The following WWC1 variants were observed in gnomAD, a reference collection of about 807,000 sequenced individuals.
The protein encoded by WWC1 is WW and C2 domain containing 1, also known as protein KIBRA.
In WWC1, 55 loss-of-function variants were observed where a neutral mutation model predicts 138.4. The observed-to-expected ratio is 0.40, with a 90% CI of 0.32 to 0.50. WWC1 has a LOEUF of 0.50. WWC1 is among the 20% of genes least tolerant of loss of function. WWC1 has a pLI of 0.72. For synonymous variants in WWC1, 524 were observed against 564.9 expected (o/e 0.93, Z 1.03); for missense variants, 1,226 against 1,420.4 (o/e 0.86, Z 2.20).
chr5:168,418,355 C>T (rs1360884581), intron 9 of WWC1, among the ~76,000 whole-genome samples: 4 of 152,198 alleles, frequency 2.6e-5, no homozygotes, highest in Non-Finnish European at 5.9e-5. Flanking sequence ...GGCTCCCTGG[C>T]CCACCCCAGG....
intron 1 of WWC1, among the ~76,000 whole-genome samples, chr5:168,303,590 C>T (rs1581861891): frequency 6.6e-6 from 1 of 152,106 alleles, no homozygotes; most frequent in African/African-American, 2.4e-5. Context: ...GCCTGGGTGA[C>T]AGAGTGAGAT....
chr5:168,441,702 G>A lies in WWC1; in HGVS notation c.2301G>A (p.Leu767=), dbSNP rs1026862370. The A allele has an allele frequency of 5.0e-6, 8 of 1,614,148 alleles. No homozygotes were observed. Among genetic ancestry groups the A allele is most frequent in the Non-Finnish European group, 6.8e-6 (8 of 1,180,014 alleles). ...AACAGGGAGGCGCCCAGATCAGCCT[G>A]GCGGAGGTCTGCCGGTCTGGGGAGA... The part of the protein sequence containing the change: ...EECLGGAQIS[L]AEVCRSGERS... Residue 767 remains leucine, a synonymous_variant, in exon 16 of 23, where the codon CTG becomes CTA. Coordinates refer to ENST00000265293, the MANE Select transcript of WWC1 (RefSeq NM_015238.3).
At chr5:168,358,011 T>C (rs981891324) in intron 1 of WWC1, among the ~76,000 whole-genome samples, 2 of 152,206 alleles carry the variant, frequency 1.3e-5, no homozygotes, top group Non-Finnish European at 2.9e-5. Context: ...ATGTGTTCAC[T>C]TGGGAATCTG....
At chr5:168,358,915 C>T (rs538913405) in intron 1 of WWC1, among the ~76,000 whole-genome samples, 1 of 152,232 alleles carries the variant, frequency 6.6e-6, no homozygotes, top group Admixed American at 6.5e-5. Context: ...CCCTCTAACC[C>T]TCCTCCCCAG....
chr5:168,448,105 A>G (rs1383715045), intron 17 of WWC1, among the ~76,000 whole-genome samples: 1 of 151,992 alleles, frequency 6.6e-6, no homozygotes, highest in East Asian at 1.9e-4. Flanking sequence ...CTGCCATTCA[A>G]ACTTCCCCCA....
intron 1 of WWC1, among the ~76,000 whole-genome samples, chr5:168,321,495 G>T (rs980336633): frequency 1.3e-5 from 2 of 151,366 alleles, no homozygotes; most frequent in East Asian, 1.9e-4. Context: ...CCTGAAGGGG[G>T]ACAGGTTCAG....
At chr5:168,314,863 G>A (rs1363300655) in intron 1 of WWC1, among the ~76,000 whole-genome samples, 2 of 152,196 alleles carry the variant, frequency 1.3e-5, no homozygotes, top group African/African-American at 2.4e-5. Context: ...GATTCCAGAG[G>A]GCTTTCCCAT....
chr5:168,296,037 C>T (rs1053023886), intron 1 of WWC1, among the ~76,000 whole-genome samples: 11 of 152,212 alleles, frequency 7.2e-5, no homozygotes, highest in African/African-American at 2.7e-4. Context: ...ACCTTGGAGC[C>T]GTGCTCCTTT....
At chr5:168,409,501 C>T (rs72830909) in intron 7 of WWC1, among the ~76,000 whole-genome samples, 1 of 152,148 alleles carries the variant, frequency 6.6e-6, no homozygotes, top group Non-Finnish European at 1.5e-5. Context: ...CCCAACTACC[C>T]AGTGTTTCAC....
Position 168,292,401 on chromosome 5 carries a change from C to T in WWC1, c.119+130C>T. On this transcript the variant is annotated intron_variant, in intron 1 of 22. Transcript: ENST00000265293. The surrounding 1 kb of genome is among the most constrained non-coding windows in gnomAD (Gnocchi z 4.4). ...TGCCTCTTGAGCTCTCTTCAGTTCG[C>T]CACCCCCTGCTCCCCCCAACCTTCT... 9.3e-7 allele frequency: 1 copy of T among 1,070,708 alleles called. No individual in the cohort carries two copies. The highest frequency in any genetic ancestry group is 1.3e-6 in the Non-Finnish European group (1 of 758,862). 66.3% of individuals were successfully genotyped at this position (1,070,708 alleles called of 1,614,324 possible). A position where few individuals can be genotyped will look rare whatever the true frequency, so the allele number is the denominator to read the frequency against.
At chr5:168,343,073 T>G (rs183378480) in intron 1 of WWC1, among the ~76,000 whole-genome samples, 1 of 151,670 alleles carries the variant, frequency 6.6e-6, no homozygotes, top group African/African-American at 2.4e-5. Context: ...GCCTGGGGGG[T>G]TTGTATGCAT....
chr5:168,352,136 A>T (rs1400612725), intron 1 of WWC1, among the ~76,000 whole-genome samples: 1 of 152,166 alleles, frequency 6.6e-6, no homozygotes, highest in Non-Finnish European at 1.5e-5. Context: ...ATTAACATTA[A>T]CACGCACGAG....
chr5:168,296,084 G>A (rs546530283), intron 1 of WWC1, among the ~76,000 whole-genome samples: 5 of 152,320 alleles, frequency 3.3e-5, no homozygotes, highest in African/African-American at 7.2e-5. Context: ...GAGCTCTAGC[G>A]AAGGGGCCAG....
At chr5:168,408,385 A>C in intron 6 of WWC1, 122 bp from the exon 7 acceptor site, 1 of 1,149,754 alleles carries the variant, frequency 8.7e-7, no homozygotes. Context: ...TCAGTAGGAT[A>C]TCTGGGGAGG....
At chr5:168,382,254 G>A (rs2161299) in intron 2 of WWC1, among the ~76,000 whole-genome samples, 23,183 of 152,014 alleles carry the variant, frequency 0.15, 1,943 homozygotes, top group African/African-American at 0.19. Context: ...TAAATGGCAT[G>A]GTCCATGTTG....
chr5:168,455,323 A>G (rs1561791510), intron 18 of WWC1, 33 bp from the exon 19 acceptor site: 1 of 1,546,544 alleles, frequency 6.5e-7, no homozygotes, highest in Non-Finnish European at 8.7e-7. Context: ...CTCTGTGGAC[A>G]CTGGTGGCTT....
In WWC1 at chr5:168,441,745, A is replaced by C. The variant is rs1291538504; in HGVS notation, c.2344A>C (p.Asn782His). ...TGGGGAGAGGTCGACTCGCTGGTAC[A>C]ACCTTCTCAGCTACAAATACTTGAA... The part of the protein sequence containing the change: ...RSGERSTRWY[N>H]LLSYKYLKKQ... The change falls in exon 16 of 23, where the codon AAC becomes CAC. Residue 782 changes from asparagine to histidine, a missense_variant. Coordinates refer to ENST00000265293, the MANE Select transcript of WWC1 (RefSeq NM_015238.3). 2 of 1,614,044 alleles carry C rather than the reference A, an allele frequency of 1.2e-6. No homozygotes were observed. The highest frequency in any genetic ancestry group is 1.1e-5 in the South Asian group (1 of 91,086).
At chr5:168,342,568 T>C (rs539370272) in intron 1 of WWC1, among the ~76,000 whole-genome samples, 8 of 152,314 alleles carry the variant, frequency 5.3e-5, no homozygotes, top group African/African-American at 1.9e-4. Flanking sequence ...CTGAAGGCTT[T>C]GTAGGATCTA....
At chr5:168,439,815 T>C (rs1754592337) in intron 15 of WWC1, among the ~76,000 whole-genome samples, 1 of 152,160 alleles carries the variant, frequency 6.6e-6, no homozygotes, top group Admixed American at 6.5e-5. Flanking sequence ...CTAAATTCCT[T>C]CCGTCGGGTT....
Sources: gnomAD v4.1 joint callset for allele counts (sites outside exome capture counted in the v4.1 genomes callset) on GRCh38, gnomAD v4.1.1 for gene constraint, Gnocchi (gnomAD v3.1) non-coding constraint, MANE v1.5 for transcripts, NCBI Gene and HGNC (gene_info 2026-07-23, HGNC 2026-07-21) for gene names.